INPP4B: variants seen among roughly 807,000 people sequenced by gnomAD.
INPP4B encodes inositol polyphosphate-4-phosphatase type II B.
INPP4B carries 55 observed loss-of-function variants against 122.5 expected under a neutral mutation model. That is an observed-to-expected ratio of 0.45 (90% confidence interval 0.36 to 0.56). The LOEUF (loss-of-function observed/expected upper bound fraction) is 0.56. Ranked by LOEUF, INPP4B falls within the 20% of genes least tolerant of loss-of-function variation. INPP4B has a pLI of 0.00. For synonymous variants in INPP4B, 403 were observed against 388.7 expected, an observed-to-expected ratio of 1.04 and a Z score of -0.43; for missense variants, 1,000 against 1,097.7, an observed-to-expected ratio of 0.91 and a Z score of 1.26.
At chr4:142,465,942 G>A (rs1346842766) in intron 2 of INPP4B, among the ~76,000 whole-genome samples, 3 of 152,126 alleles carry the variant, frequency 2.0e-5, no homozygotes, top group Non-Finnish European at 4.4e-5. Context: ...AGCAAATCCT[G>A]TCACCATACT....
chr4:142,727,081 A>G (rs181296364), intron 1 of INPP4B, among the ~76,000 whole-genome samples: 3 of 152,264 alleles, frequency 2.0e-5, no homozygotes, highest in Non-Finnish European at 4.4e-5. Flanking sequence ...ATCATACTGG[A>G]CATTACCTAT....
chr4:142,481,108 C>G (rs1028779689), intron 2 of INPP4B, among the ~76,000 whole-genome samples: 6 of 142,280 alleles, frequency 4.2e-5, no homozygotes, highest in African/African-American at 1.6e-4. Flanking sequence ...GCACTCCAGC[C>G]TGGCAACAGA....
chr4:142,031,746 TA>T (rs1740314597), intron 25 of INPP4B, among the ~76,000 whole-genome samples: 1 of 152,166 alleles, frequency 6.6e-6, no homozygotes, highest in Non-Finnish European at 1.5e-5. Flanking sequence ...AAGCTCCCCT[TA>T]CATTATATTA....
intron 7 of INPP4B, among the ~76,000 whole-genome samples, chr4:142,369,817 G>C (rs1056302964): frequency 2.6e-5 from 4 of 151,192 alleles, no homozygotes; most frequent in African/African-American, 9.7e-5. Flanking sequence ...TGTAATCCCA[G>C]CTACTTGGGA....
At chr4:142,493,454 G>A (rs547802015) in intron 2 of INPP4B, among the ~76,000 whole-genome samples, 33 of 152,296 alleles carry the variant, frequency 2.2e-4, no homozygotes, top group African/African-American at 7.7e-4. Context: ...GCCAGTAGGG[G>A]AGCTGTACCT....
chr4:142,099,261 T>C (rs1270845030), intron 23 of INPP4B, among the ~76,000 whole-genome samples: 1 of 152,190 alleles, frequency 6.6e-6, no homozygotes, highest in Non-Finnish European at 1.5e-5. Flanking sequence ...TCCTGCAGTA[T>C]AACATAATAT....
Position 142,834,384 on chromosome 4 carries a change from A to C in INPP4B, c.-254+11825T>G, listed in dbSNP as rs141124876. 3.7e-3 allele frequency among the ~76,000 whole-genome samples: 569 copies of C among 152,248 alleles called. 2 individuals carry two copies. The highest frequency in any genetic ancestry group is 0.013 in the African/African-American group (555 of 41,570). On this transcript the variant is annotated intron_variant, in intron 1 of 25. Transcript: ENST00000262992. ...TACAACAGACTTTTTAAAAACTGCT[A>C]CCTGTTGCTCTCCCTATACTTTTTT...
intron 2 of INPP4B, among the ~76,000 whole-genome samples, chr4:142,481,804 C>T (rs753161035): frequency 9.2e-5 from 14 of 152,086 alleles, no homozygotes; most frequent in Non-Finnish European, 1.6e-4. Flanking sequence ...TAATCTGTTC[C>T]GTTCTAGTAT....
At chr4:142,564,375 A>G (rs1280627690) in intron 2 of INPP4B, among the ~76,000 whole-genome samples, 1 of 150,136 alleles carries the variant, frequency 6.7e-6, no homozygotes, top group African/African-American at 2.4e-5. Flanking sequence ...GAAGTAAAAT[A>G]GCAAGGCATA....
chr4:142,637,831 C>T (rs956735827), intron 2 of INPP4B, among the ~76,000 whole-genome samples: 1 of 152,164 alleles, frequency 6.6e-6, no homozygotes, highest in Non-Finnish European at 1.5e-5. Context: ...AAATGAGTTC[C>T]TGTTGCTCCA....
At chr4:142,736,440 C>T (rs1330690527) in intron 1 of INPP4B, among the ~76,000 whole-genome samples, 1 of 152,026 alleles carries the variant, frequency 6.6e-6, no homozygotes. Flanking sequence ...ATTATTGAGA[C>T]CCTAAAACAG....
At chr4:142,173,012 TTGAG>T (rs1395304670) in intron 16 of INPP4B, among the ~76,000 whole-genome samples, 1 of 151,982 alleles carries the variant, frequency 6.6e-6, no homozygotes, top group Non-Finnish European at 1.5e-5. Context: ...GAAGTTGATA[TTGAG>T]TGTCTACCCC....
At chr4:142,102,902 C>T (rs1033997230) in intron 23 of INPP4B, among the ~76,000 whole-genome samples, 1 of 152,050 alleles carries the variant, frequency 6.6e-6, no homozygotes, top group Non-Finnish European at 1.5e-5. Context: ...ATCAATTTAC[C>T]ACCTTGGAAA....
At chr4:142,503,718 C>T (rs1213624961) in intron 2 of INPP4B, among the ~76,000 whole-genome samples, 1 of 151,714 alleles carries the variant, frequency 6.6e-6, no homozygotes, top group East Asian at 1.9e-4. Context: ...TAATAGAAGA[C>T]CAATAAGGAG....
At chr4:142,736,560 A>C (rs1226699624) in intron 1 of INPP4B, among the ~76,000 whole-genome samples, 1 of 152,140 alleles carries the variant, frequency 6.6e-6, no homozygotes, top group Non-Finnish European at 1.5e-5. Flanking sequence ...CTTTGAAGCA[A>C]TTGTGAATGG....
Position 142,209,005 on chromosome 4 carries a change from A to G in INPP4B, c.858T>C (p.Leu286=), listed in dbSNP as rs947252682. The G allele has an allele frequency of 5.0e-6, 8 of 1,603,688 alleles. No individual in the cohort carries two copies. The highest frequency in any genetic ancestry group is 6.8e-6 in the Non-Finnish European group (8 of 1,173,546). The change falls in exon 13 of 26, where the codon CTT becomes CTC. Residue 286 remains leucine (L), a synonymous_variant. Coordinates refer to ENST00000262992, the MANE Select transcript of INPP4B (RefSeq NM_001101669.3). The part of the protein sequence containing the change: ...DLCRNQEIKE[L]GELSPHWDNL... ...TGTCCCAATGTGGAGAAAGCTCACC[A>G]AGTTCTTTTATCTCCTGGTTTCTGT... is the stretch of plus-strand genomic sequence containing the variant.
chr4:142,814,003 G>A (rs1445951062), intron 1 of INPP4B, among the ~76,000 whole-genome samples: 1 of 152,180 alleles, frequency 6.6e-6, no homozygotes, highest in Non-Finnish European at 1.5e-5. Flanking sequence ...ATAGAAAAGA[G>A]CTCAACCTTT....
At chr4:142,079,605 G>A (rs1244419645) in intron 25 of INPP4B, among the ~76,000 whole-genome samples, 1 of 152,000 alleles carries the variant, frequency 6.6e-6, no homozygotes, top group East Asian at 1.9e-4. Context: ...ATATCTATAA[G>A]AAATTTCTAA....
chr4:142,434,462 G>A (rs774751447), intron 3 of INPP4B, among the ~76,000 whole-genome samples: 33 of 152,126 alleles, frequency 2.2e-4, no homozygotes, highest in Middle Eastern at 3.2e-3. Context: ...ACTTTCTACC[G>A]GGGGTGGAAG....
Sources: gnomAD v4.1 joint callset for allele counts (sites outside exome capture counted in the v4.1 genomes callset) on GRCh38, gnomAD v4.1.1 for gene constraint, MANE v1.5 for transcripts, NCBI Gene and HGNC (gene_info 2026-07-23, HGNC 2026-07-21) for gene names.